Variants in USP24 observed in about 807,000 individuals in gnomAD.
The protein encoded by USP24 is ubiquitin carboxyl-terminal hydrolase 24.
Under a neutral mutation model 361.6 loss-of-function variants are expected in USP24, and 97 were observed. The observed-to-expected ratio is 0.27, with a 90% CI of 0.23 to 0.32. USP24 has a LOEUF of 0.32. Among genes scored for constraint, USP24 ranks in the 10% least tolerant of loss-of-function variants. USP24 has a pLI of 1.00. For synonymous variants in USP24, 1,098 were observed against 1,124.6 expected, an observed-to-expected ratio of 0.98 and a Z score of 0.47; for missense variants, 2,353 against 3,165.6, an observed-to-expected ratio of 0.74 and a Z score of 6.16.
intron 32 of USP24, among the ~76,000 whole-genome samples, chr1:55,126,575 G>C (rs964461289): frequency 1.3e-5 from 2 of 152,200 alleles, no homozygotes; most frequent in Non-Finnish European, 2.9e-5. Flanking sequence ...TGAATTAAAT[G>C]ACATACACAA....
chr1:55,121,658 T>C (rs1171339760), intron 36 of USP24, among the ~76,000 whole-genome samples, 152 bp from the exon 37 acceptor site: 2 of 152,226 alleles, frequency 1.3e-5, no homozygotes, highest in Non-Finnish European at 1.5e-5. Context: ...TTCATGCCTG[T>C]CCATTTACCC....
intron 60 of USP24, among the ~76,000 whole-genome samples, chr1:55,079,144 A>T (rs1645090953): frequency 6.6e-6 from 1 of 152,298 alleles, no homozygotes; most frequent in South Asian, 2.1e-4. Context: ...AGGCACCATG[A>T]TGGAGAGCTG....
intron 7 of USP24, 46 bp from the exon 8 acceptor site, chr1:55,162,310 T>C (rs1409208963): frequency 2.0e-6 from 3 of 1,463,776 alleles, no homozygotes; most frequent in Non-Finnish European, 9.1e-7. Context: ...AGAGGATTTT[T>C]TTCCTGTCAA....
rs72646544 is a variant in USP24, at chr1:55,066,644, C to T, written c.*2401G>A. 1.3e-5 allele frequency: 2 copies of T among 152,090 alleles called. No individual in the cohort carries two copies. Among genetic ancestry groups the T allele is most frequent in the Non-Finnish European group, 2.9e-5 (2 of 68,030 alleles). The allele number at this position is 152,090 out of a possible 1,614,324, so 9.4% of individuals were successfully genotyped here. On this transcript the variant is annotated 3_prime_UTR_variant, in exon 68 of 68. Coordinates refer to ENST00000294383, the MANE Select transcript of USP24 (RefSeq NM_015306.3). Reference sequence around the variant, plus strand: ...AAAACTGACTGTAGTTGTCAGTGACCGTGTGAGGACTCCAGGAGAAGTCGT... The same window carrying T: ...AAAACTGACTGTAGTTGTCAGTGACTGTGTGAGGACTCCAGGAGAAGTCGT...
intron 19 of USP24, among the ~76,000 whole-genome samples, chr1:55,146,494 C>T (rs577516764): frequency 6.6e-6 from 1 of 152,216 alleles, no homozygotes; most frequent in East Asian, 1.9e-4. Context: ...AATGTCAAGG[C>T]AGGTGTTCTG....
chr1:55,115,378 C>T (rs1248746740), intron 38 of USP24, among the ~76,000 whole-genome samples: 4 of 150,448 alleles, frequency 2.7e-5, no homozygotes, highest in African/African-American at 9.7e-5. Context: ...CGCCTGTAGT[C>T]CCAGCTACCT....
chr1:55,162,111 G>A, intron 8 of USP24, 88 bp downstream of exon 8: 3 of 1,221,744 alleles, frequency 2.5e-6, no homozygotes. Context: ...CTGGATTAAA[G>A]ACCACTCTGA....
rs1304014607 is a variant in USP24, at chr1:55,154,161, G to C, written c.1770C>G (p.Ile590Met). Residue 590 changes from isoleucine to methionine, a missense_variant, in exon 15 of 68, where the codon ATC becomes ATG. Around this residue, in one of 8 missense-constraint regions of USP24, gnomAD observed 386 missense variants for 560.5 expected, o/e 0.69. Transcript: ENST00000294383. ...TGCACTTGATGATGTAGCTCCTCTTGATTGCTTCTTTCACTGCATATGCAT... is the reference window on the plus strand; with the variant it reads ...TGCACTTGATGATGTAGCTCCTCTTCATTGCTTCTTTCACTGCATATGCAT... ...LSDAYAVKEAIKRSYIIKCIE... is the reference protein window; with the variant it reads ...LSDAYAVKEAMKRSYIIKCIE... 1.2e-6 allele frequency: 2 copies of C among 1,613,488 alleles called. No individual in the cohort carries two copies. The highest frequency in any genetic ancestry group is 1.1e-5 in the South Asian group (1 of 91,076).
At chr1:55,120,212 G>A (rs1306932960) in intron 38 of USP24, among the ~76,000 whole-genome samples, 5 of 152,148 alleles carry the variant, frequency 3.3e-5, no homozygotes, top group African/African-American at 1.2e-4. Flanking sequence ...AAGCTAGGAG[G>A]ATACCTTGGC....
chr1:55,192,228 T>C (rs1644308735), intron 1 of USP24, among the ~76,000 whole-genome samples: 3 of 152,184 alleles, frequency 2.0e-5, no homozygotes, highest in South Asian at 2.1e-4. Context: ...CAAGGATACA[T>C]TACTGTAATT....
chr1:55,176,309 C>A, intron 3 of USP24, 67 bp downstream of exon 3: 1 of 1,355,520 alleles, frequency 7.4e-7, no homozygotes, highest in Non-Finnish European at 1.0e-6. Flanking sequence ...AAACAAAAAG[C>A]TTCTCTTCCT....
In USP24 at chr1:55,163,448, T is replaced by G. The variant is rs1648503454; in HGVS notation, c.928-1184A>C. 2.0e-5 allele frequency among the ~76,000 whole-genome samples: 3 copies of G among 152,088 alleles called. No individual in the cohort carries two copies. In the South Asian group the frequency reaches 6.2e-4, roughly 31 times the overall value. On this transcript the variant is annotated intron_variant, in intron 7 of 67. Coordinates refer to ENST00000294383, the MANE Select transcript of USP24 (RefSeq NM_015306.3). ...ACAAAACACGTCACCCAAAGAGACCTAAATAAACTAGGTCAATTCACAGAA... is the reference window on the plus strand; with the variant it reads ...ACAAAACACGTCACCCAAAGAGACCGAAATAAACTAGGTCAATTCACAGAA...
intron 51 of USP24, among the ~76,000 whole-genome samples, chr1:55,094,370 GA>G (rs1645448365): frequency 1.3e-5 from 2 of 152,060 alleles, no homozygotes; most frequent in Admixed American, 1.3e-4. Context: ...TGGCATATGA[GA>G]TTTAACATTT....
intron 56 of USP24, among the ~76,000 whole-genome samples, chr1:55,085,111 A>G (rs1300194792): frequency 6.6e-6 from 1 of 152,230 alleles, no homozygotes; most frequent in Non-Finnish European, 1.5e-5. Flanking sequence ...TGGTTCTGCT[A>G]TTTAAGCTGA....
At position 55,123,563 on chromosome 1, in the gene USP24, GCTA is replaced by G; in HGVS notation, c.4157_4159del (p.Val1386del). 4 of 1,599,774 alleles carry G rather than the reference GCTA, an allele frequency of 2.5e-6. No individual in the cohort carries two copies. The highest frequency in any genetic ancestry group is 3.4e-6 in the Non-Finnish European group (4 of 1,173,044). On this transcript the variant is annotated inframe_deletion, in exon 36 of 68. Transcript: ENST00000294383. ...TCGAACACAGATTCCCGCATGCAGG[GCTA>G]CTGGTTCTCCTTCACTTCCAGAGCT...
intron 8 of USP24, among the ~76,000 whole-genome samples, chr1:55,160,930 T>C (rs1648210177): frequency 1.3e-5 from 2 of 152,222 alleles, no homozygotes; most frequent in African/African-American, 2.4e-5. Flanking sequence ...AAATTAATGA[T>C]ATTTATATGC....
chr1:55,137,992 C>A, intron 26 of USP24, 88 bp from the exon 27 acceptor site: 2 of 1,298,982 alleles, frequency 1.5e-6, no homozygotes, highest in Non-Finnish European at 2.2e-6. Flanking sequence ...AGGTACTGGG[C>A]ACTGTTCTAG....
intron 59 of USP24, among the ~76,000 whole-genome samples, chr1:55,080,342 A>T (rs1164124240): frequency 6.6e-6 from 1 of 152,212 alleles, no homozygotes; most frequent in Non-Finnish European, 1.5e-5. Flanking sequence ...TTAGAGAGTC[A>T]ATAAGCATTT....
intron 10 of USP24, among the ~76,000 whole-genome samples, chr1:55,158,001 A>C (rs1647865991): frequency 1.3e-5 from 2 of 152,212 alleles, no homozygotes; most frequent in South Asian, 4.1e-4. Context: ...CTTCATATGC[A>C]GAAGGAGTGA....
Sources: allele counts gnomAD v4.1 joint callset (sites outside exome capture counted in the v4.1 genomes callset), GRCh38; gene constraint gnomAD v4.1.1; regional missense constraint gnomAD v4.1.1; transcripts MANE v1.5; gene names NCBI Gene and HGNC (gene_info 2026-07-23, HGNC 2026-07-21).